SAMD3: variants seen among roughly 807,000 people sequenced by gnomAD.
SAMD3 encodes the protein sterile alpha motif domain-containing protein 3.
In SAMD3, 63 loss-of-function variants were observed where a neutral mutation model predicts 58.5. The observed-to-expected ratio is 1.08, with a 90% CI of 0.88 to 1.33. The LOEUF (loss-of-function observed/expected upper bound fraction) is 1.33, where lower values mean the gene tolerates loss of function less well. Among genes scored for constraint, SAMD3 ranks in the 40% most tolerant of loss-of-function variants. SAMD3 has a pLI of 0.00. For missense variants in SAMD3, 604 were observed against 608.4 expected, an observed-to-expected ratio of 0.99 and a Z score of 0.08; for synonymous variants, 220 against 210.3, an observed-to-expected ratio of 1.05 and a Z score of -0.40.
intron 2 of SAMD3, among the ~76,000 whole-genome samples, chr6:130,288,604 G>A (rs1471907604): frequency 6.6e-6 from 1 of 152,152 alleles, no homozygotes; most frequent in Non-Finnish European, 1.5e-5. Flanking sequence ...GTAGGAGGAG[G>A]GTCACCTCCA....
chr6:130,236,430 C>T, intron 2 of SAMD3, among the ~76,000 whole-genome samples: 1 of 148,916 alleles, frequency 6.7e-6, no homozygotes. Flanking sequence ...GTCACTTAGG[C>T]TGGAGTGCAA....
chr6:130,215,874 T>C, intron 2 of SAMD3: 1 of 1,513,030 alleles, frequency 6.6e-7, no homozygotes, highest in Non-Finnish European at 8.9e-7. Context: ...GAAGAGGAAG[T>C]AGGACCCACA....
chr6:130,243,767 T>C (rs186561161), intron 2 of SAMD3, among the ~76,000 whole-genome samples: 3 of 152,270 alleles, frequency 2.0e-5, no homozygotes, highest in Admixed American at 1.3e-4. Flanking sequence ...GGTGGAATAA[T>C]TGGGAAGAAT....
At chr6:130,265,350 A>G (rs1774302498) in intron 2 of SAMD3, among the ~76,000 whole-genome samples, 1 of 152,166 alleles carries the variant, frequency 6.6e-6, no homozygotes, top group African/African-American at 2.4e-5. Context: ...GTGGCTCTGA[A>G]GAAGATAACA....
intron 2 of SAMD3, among the ~76,000 whole-genome samples, chr6:130,310,857 G>A (rs1229628313): frequency 6.6e-6 from 1 of 152,182 alleles, no homozygotes; most frequent in Non-Finnish European, 1.5e-5. Context: ...ATCCTCCAGT[G>A]TGAGACCCTC....
intron 2 of SAMD3, among the ~76,000 whole-genome samples, chr6:130,291,707 C>T (rs1036342918): frequency 6.6e-6 from 1 of 152,184 alleles, no homozygotes; most frequent in African/African-American, 2.4e-5. Flanking sequence ...TCATTTCAAA[C>T]TAATTTCTCA....
intron 1 of SAMD3, among the ~76,000 whole-genome samples, chr6:130,347,825 G>A (rs990857641): frequency 4.6e-5 from 7 of 152,298 alleles, no homozygotes; most frequent in African/African-American, 1.4e-4. Context: ...GGCAGCCAGA[G>A]AGAAAGCTCG....
chr6:130,154,089 A>G (rs1336215642), intron 9 of SAMD3, among the ~76,000 whole-genome samples: 3 of 152,154 alleles, frequency 2.0e-5, no homozygotes, highest in Admixed American at 6.5e-5. Flanking sequence ...CCTTGATTAC[A>G]TAAAAGCATG....
chr6:130,170,939 C>T (rs1454970150), intron 8 of SAMD3, among the ~76,000 whole-genome samples: 1 of 152,202 alleles, frequency 6.6e-6, no homozygotes, highest in Non-Finnish European at 1.5e-5. Context: ...TTATTTCTTT[C>T]TCTTGCCTGA....
At position 130,144,698 on chromosome 6, in the gene SAMD3, C is replaced by G. The variant is rs746625367; in HGVS notation, c.1385G>C (p.Cys462Ser). 1.2e-6 allele frequency: 2 copies of G among 1,613,930 alleles called. No individual in the cohort carries two copies. The part of the protein sequence containing the change: ...ERERLTKVDD[C>S]VTALAALVAA... ...TACTAGCGCAGCCAAGGCTGTAACACAGTCGTCCACCTTTGTGAGCCTCTC... is the reference window on the plus strand; with the variant it reads ...TACTAGCGCAGCCAAGGCTGTAACAGAGTCGTCCACCTTTGTGAGCCTCTC... The change falls in exon 12 of 12, where the codon TGT becomes TCT. Residue 462 changes from cysteine to serine, a missense_variant. Cys to Ser is a moderately radical substitution (Grantham distance 112). Coordinates refer to ENST00000439090, the MANE Select transcript of SAMD3 (RefSeq NM_001017373.4).
chr6:130,188,029 AAAGTT>A lies in SAMD3; in HGVS notation c.384-3411_384-3407del, dbSNP rs68150876. ...TTTGCAATAAAATAAAACTTATAAT[AAAGTT>A]AAGACAACACATTTGATACTTGGCC... On this transcript the variant is annotated intron_variant, in intron 5 of 11. Transcript: ENST00000439090. 2.0e-4 allele frequency among the ~76,000 whole-genome samples: 31 copies of A among 152,372 alleles called. No individual in the cohort carries two copies. In the South Asian group the frequency reaches 2.7e-3, roughly 13 times the overall value.
intron 2 of SAMD3, among the ~76,000 whole-genome samples, chr6:130,276,707 C>A (rs1262950694): frequency 6.6e-6 from 1 of 152,058 alleles, no homozygotes; most frequent in Non-Finnish European, 1.5e-5. Flanking sequence ...ACTGAGACTG[C>A]AGGATTGCAG....
chr6:130,164,933 T>C (rs1250086688), intron 8 of SAMD3, among the ~76,000 whole-genome samples: 2 of 152,076 alleles, frequency 1.3e-5, no homozygotes, highest in African/African-American at 4.8e-5. Context: ...ATCAGGAAGA[T>C]ATAGCAATTA....
chr6:130,296,799 C>T (rs1227408049), intron 2 of SAMD3, among the ~76,000 whole-genome samples: 1 of 152,080 alleles, frequency 6.6e-6, no homozygotes, highest in African/African-American at 2.4e-5. Context: ...GTGTCCAGGG[C>T]CTGCAGCCAC....
intron 2 of SAMD3, among the ~76,000 whole-genome samples, chr6:130,304,513 T>C (rs1429289799): frequency 6.6e-6 from 1 of 152,186 alleles, no homozygotes; most frequent in East Asian, 1.9e-4. Context: ...CTCTCTTTAG[T>C]TCCACTGAAC....
chr6:130,194,201 A>G (rs1008774526), intron 5 of SAMD3, among the ~76,000 whole-genome samples: 6 of 152,170 alleles, frequency 3.9e-5, no homozygotes, highest in Admixed American at 2.6e-4. Flanking sequence ...GTCAAGGTTA[A>G]TGCTCCTTTT....
At chr6:130,268,394 T>C (rs538853790) in intron 2 of SAMD3, among the ~76,000 whole-genome samples, 2 of 152,266 alleles carry the variant, frequency 1.3e-5, no homozygotes, top group South Asian at 4.1e-4. Context: ...AATATATTGT[T>C]GAAGAAAGAA....
At chr6:130,311,453 G>A (rs138843478) in intron 2 of SAMD3, among the ~76,000 whole-genome samples, 119 of 152,234 alleles carry the variant, frequency 7.8e-4, no homozygotes, top group African/African-American at 2.3e-3. Context: ...GCAGTATTCC[G>A]AAGTTTTCTA....
chr6:130,338,916 T>A (rs1477865083), intron 1 of SAMD3, among the ~76,000 whole-genome samples: 1 of 152,118 alleles, frequency 6.6e-6, no homozygotes, highest in Non-Finnish European at 1.5e-5. Context: ...GTGGAATGAG[T>A]TAAGACTTTG....
Sources: gnomAD v4.1 joint callset for allele counts (sites outside exome capture counted in the v4.1 genomes callset) on GRCh38, gnomAD v4.1.1 for gene constraint, MANE v1.5 for transcripts, NCBI Gene and HGNC (gene_info 2026-07-23, HGNC 2026-07-21) for gene names.